The following MBTPS1 variants were observed in gnomAD, a reference collection of about 807,000 sequenced individuals.
MBTPS1 encodes the protein membrane-bound transcription factor site-1 protease.
A neutral mutation model predicts 127.8 loss-of-function variants in MBTPS1; 94 were observed. That is an observed-to-expected ratio of 0.74 (90% CI 0.62 to 0.87). The LOEUF (loss-of-function observed/expected upper bound fraction) is 0.87. MBTPS1 is among the 40% of genes least tolerant of loss of function. MBTPS1 has a pLI of 0.00. For synonymous variants in MBTPS1, 632 were observed against 509.4 expected (o/e 1.24, Z -3.24); for missense variants, 1,636 against 1,353.2 (o/e 1.21, Z -3.28).
At chr16:84,079,327 C>T (rs1327600647) in intron 11 of MBTPS1, among the ~76,000 whole-genome samples, 3 of 152,092 alleles carry the variant, frequency 2.0e-5, no homozygotes, top group Non-Finnish European at 2.9e-5. Flanking sequence ...CAAGAACAAA[C>T]GAACACATCC....
intron 12 of MBTPS1, among the ~76,000 whole-genome samples, chr16:84,071,047 C>T (rs2085763361): frequency 6.6e-6 from 1 of 152,156 alleles, no homozygotes; most frequent in South Asian, 2.1e-4. Flanking sequence ...AAAACAGGAA[C>T]TTTTGTCAAA....
At position 84,095,794 on chromosome 16, in the gene MBTPS1, C is replaced by T. The variant is rs138737600; in HGVS notation, c.433G>A (p.Val145Ile). ...SLKYAESDPT[V>I]PCNETRWSQK... is the part of the protein sequence containing the mutation. ...CTCCACCGGGTTTCATTGCAGGGTA[C>T]TGTGGGGTCAGCTACAGGCAAGGGA... The change falls in exon 4 of 23, where the codon GTA becomes ATA. Residue 145 changes from valine to isoleucine, a missense_variant. Transcript: ENST00000343411. The T allele has an allele frequency of 1.1e-3, 1,712 of 1,613,664 alleles. 19 individuals carry two copies. In the African/African-American group the frequency reaches 0.021, roughly 20 times the overall value.
intron 3 of MBTPS1, among the ~76,000 whole-genome samples, chr16:84,098,604 T>C (rs2151166898): frequency 6.6e-6 from 1 of 151,786 alleles, no homozygotes; most frequent in Non-Finnish European, 1.5e-5. Flanking sequence ...CGAAACTCCG[T>C]CTCAAAAAAA....
chr16:84,054,411 A>C lies in MBTPS1; in HGVS notation c.*38T>G. On this transcript the variant is annotated 3_prime_UTR_variant, in exon 23 of 23. Transcript: ENST00000343411. ...GCTCACCCACCAGCGCCGTCCGTGA[A>C]GGCTCTCTCTGGCCCTCACGGTCAG... is the stretch of plus-strand genomic sequence containing the variant. 6.5e-7 allele frequency: 1 copy of C among 1,534,268 alleles called. No homozygotes were observed. Among genetic ancestry groups the C allele is most frequent in the Non-Finnish European group, 8.8e-7 (1 of 1,137,088 alleles).
intron 17 of MBTPS1, 42 bp downstream of exon 17, chr16:84,066,447 C>G (rs376422766): frequency 1.2e-6 from 2 of 1,602,068 alleles, no homozygotes; most frequent in Non-Finnish European, 1.7e-6. Flanking sequence ...AGAGCTTCTG[C>G]TCTCACACCT....
At chr16:84,103,707 A>G (rs1184737613) in intron 1 of MBTPS1, among the ~76,000 whole-genome samples, 1 of 152,210 alleles carries the variant, frequency 6.6e-6, no homozygotes, top group Non-Finnish European at 1.5e-5. Context: ...ACGAGTAGAA[A>G]AACATTGATA....
In MBTPS1 at chr16:84,060,667, T is replaced by C; in HGVS notation, c.2704+15A>G. 1 of 1,610,074 alleles carries C rather than the reference T, an allele frequency of 6.2e-7. No homozygotes were observed. Among genetic ancestry groups the C allele is most frequent in the Non-Finnish European group, 8.5e-7 (1 of 1,176,896 alleles). On this transcript the variant is annotated intron_variant, in intron 20 of 22. Transcript: ENST00000343411. ...ATCCAATTCCCTCCCCAAGGCATCC[T>C]GCCCATCCACTCACCTTCCATCCTC...
intron 11 of MBTPS1, among the ~76,000 whole-genome samples, chr16:84,075,920 A>C (rs924795681): frequency 6.6e-6 from 1 of 152,246 alleles, no homozygotes; most frequent in Non-Finnish European, 1.5e-5. Flanking sequence ...TGTGACTACA[A>C]TTGTATGCAT....
intron 3 of MBTPS1, among the ~76,000 whole-genome samples, chr16:84,098,705 C>A (rs564031492): frequency 6.6e-6 from 1 of 152,288 alleles, no homozygotes; most frequent in Admixed American, 6.5e-5. Flanking sequence ...CGTCTTTCAG[C>A]ACGAGAAGGC....
rs371219380 is a variant in MBTPS1 at position 84,062,668 on chromosome 16, CA to C, written c.2572+636del. Among the ~76,000 whole-genome samples, 137 of 152,304 alleles carry C rather than the reference CA, an allele frequency of 9.0e-4. 1 individual carries two copies. The highest frequency in any genetic ancestry group is 3.2e-3 in the African/African-American group (135 of 41,572). ...AGGTAAAAACATGGAGCACTTTTAC[CA>C]TTCTTTCTCCCCTTTACAAAATGAG... On this transcript the variant is annotated intron_variant, in intron 19 of 22. Transcript: ENST00000343411.
intron 11 of MBTPS1, among the ~76,000 whole-genome samples, chr16:84,075,864 G>C (rs2151152228): frequency 6.6e-6 from 1 of 152,294 alleles, no homozygotes. Flanking sequence ...AAAAAGAAAA[G>C]GAAATAGGTA....
Position 84,054,623 on chromosome 16 carries a change from G to A in MBTPS1, c.2985C>T (p.Asn995=), listed in dbSNP as rs1339738461. The change falls in exon 23 of 23, where the codon AAC becomes AAT. Residue 995 remains asparagine (N), a synonymous_variant. Transcript: ENST00000343411. ...IPGGIMPGRY[N]QEVGQTIPVF... is the part of the protein sequence containing the mutation. The stretch of plus-strand genomic sequence containing the variant: ...CAGGAATGGTCTGGCCCACCTCCTG[G>A]TTGTAGCGGCCAGGCATGATCCCTG... 3.1e-6 allele frequency: 5 copies of A among 1,609,716 alleles called. No homozygotes were observed. Among genetic ancestry groups the A allele is most frequent in the Non-Finnish European group, 4.2e-6 (5 of 1,177,562 alleles).
intron 11 of MBTPS1, among the ~76,000 whole-genome samples, chr16:84,079,845 GTA>G (rs2085913977): frequency 6.6e-6 from 1 of 152,242 alleles, no homozygotes; most frequent in Admixed American, 6.5e-5. Flanking sequence ...AGAAGCAGTC[GTA>G]TGTGTCTGTG....
Position 84,093,660 on chromosome 16 carries a change from C to A in MBTPS1, c.736+51G>T, listed in dbSNP as rs761107496. The A allele has an allele frequency of 3.3e-6, 4 of 1,230,618 alleles. No homozygotes were observed. The East Asian group carries it at 7.0e-5, about 21-fold the overall frequency. 76.2% of individuals were successfully genotyped at this position (1,230,618 alleles called of 1,614,324 possible). A position where few individuals can be genotyped will look rare whatever the true frequency, so the allele number is the denominator to read the frequency against. ...ACAGACTGTGGAATCATGCACTAAACACACTCTCAGTCGATCACATGACCA... is the reference window on the plus strand; with the variant it reads ...ACAGACTGTGGAATCATGCACTAAAAACACTCTCAGTCGATCACATGACCA... On this transcript the variant is annotated intron_variant, in intron 5 of 22. Coordinates refer to ENST00000343411, the MANE Select transcript of MBTPS1 (RefSeq NM_003791.4).
chr16:84,093,855 T>G, intron 4 of MBTPS1, 34 bp from the exon 5 acceptor site: 1 of 1,418,288 alleles, frequency 7.1e-7, no homozygotes, highest in Non-Finnish European at 1.0e-6. Context: ...ACAATTATGT[T>G]TGAAGAAATC....
chr16:84,102,028 T>G lies in MBTPS1; in HGVS notation c.-245A>C. 2.1e-6 allele frequency: 1 copy of G among 473,588 alleles called. No individual in the cohort carries two copies. 29.3% of individuals were successfully genotyped at this position (473,588 alleles called of 1,614,324 possible). ...AATAAGGCTTCTCTCACTCAGGCCG[T>G]GACGACTGAGTCCTGTACTCCATTT... is the stretch of plus-strand genomic sequence containing the variant. On this transcript the variant is annotated 5_prime_UTR_variant, in exon 2 of 23. Transcript: ENST00000343411.
rs75941936 is a variant in MBTPS1 at position 84,093,006 on chromosome 16, G to A, written c.846+182C>T. ...AACTTAGGTCGACACAGTGGTTGGTGGGAGAAGGGCGGAGCCACCCAGGAG... is the reference window on the plus strand; with the variant it reads ...AACTTAGGTCGACACAGTGGTTGGTAGGAGAAGGGCGGAGCCACCCAGGAG... On this transcript the variant is annotated intron_variant, in intron 6 of 22. Coordinates refer to ENST00000343411, the MANE Select transcript of MBTPS1 (RefSeq NM_003791.4). Among the ~76,000 whole-genome samples, 1,288 of 152,334 alleles carry A rather than the reference G, an allele frequency of 8.5e-3. 22 individuals are homozygous for A. Among genetic ancestry groups the A allele is most frequent in the African/African-American group, 0.029 (1,216 of 41,578 alleles).
intron 1 of MBTPS1, among the ~76,000 whole-genome samples, chr16:84,112,477 C>G (rs1030335745): frequency 3.3e-5 from 5 of 151,400 alleles, no homozygotes; most frequent in Non-Finnish European, 7.4e-5. Flanking sequence ...GGCTAACACA[C>G]TGAAACCCCG....
chr16:84,113,552 G>C (rs546916334), intron 1 of MBTPS1, among the ~76,000 whole-genome samples: 2 of 152,218 alleles, frequency 1.3e-5, no homozygotes, highest in African/African-American at 2.4e-5. Flanking sequence ...CCTAGCTGGT[G>C]GCTAGCATTC....
Sources: gnomAD v4.1 joint callset for allele counts (sites outside exome capture counted in the v4.1 genomes callset) on GRCh38, gnomAD v4.1.1 for gene constraint, MANE v1.5 for transcripts, NCBI Gene and HGNC (gene_info 2026-07-23, HGNC 2026-07-21) for gene names.